GREB1L: variants seen among roughly 807,000 people sequenced by gnomAD.
GREB1L encodes GREB1-like protein.
GREB1L carries 17 observed loss-of-function variants against 200.8 expected under a neutral mutation model. The observed-to-expected ratio is 0.08, with a 90% confidence interval of 0.06 to 0.13. The LOEUF is 0.13. Among genes scored for constraint, GREB1L ranks in the 10% least tolerant of loss-of-function variants. The probability of loss-of-function intolerance (pLI) is 1.00; values close to 1 mark genes in which losing one functional copy is unlikely to be tolerated. For synonymous variants in GREB1L, 789 were observed against 893.0 expected (o/e 0.88, Z 2.08); for missense variants, 1,657 against 2,367.7 (o/e 0.70, Z 6.23).
intron 1 of GREB1L, among the ~76,000 whole-genome samples, chr18:21,276,988 G>A (rs561248592): frequency 1.4e-5 from 2 of 146,184 alleles, no homozygotes; most frequent in African/African-American, 5.1e-5. Flanking sequence ...GAGTGCAGTG[G>A]TGCGATCTTG....
At chr18:21,272,353 A>G (rs904277978) in intron 1 of GREB1L, among the ~76,000 whole-genome samples, 3 of 152,198 alleles carry the variant, frequency 2.0e-5, no homozygotes, top group Non-Finnish European at 2.9e-5. Context: ...GAGCTAGGAA[A>G]TGTTCGACCT....
intron 23 of GREB1L, among the ~76,000 whole-genome samples, chr18:21,503,547 C>T (rs1246295528): frequency 6.6e-6 from 1 of 150,478 alleles, no homozygotes; most frequent in Non-Finnish European, 1.5e-5. Flanking sequence ...TGCGTGCCTG[C>T]AACTGTCTTG....
intron 17 of GREB1L, among the ~76,000 whole-genome samples, chr18:21,479,182 A>G (rs2035822681): frequency 6.6e-6 from 1 of 152,030 alleles, no homozygotes. Flanking sequence ...ATGCCCAGCC[A>G]AGACTAATTA....
intron 1 of GREB1L, among the ~76,000 whole-genome samples, chr18:21,340,931 G>A (rs2039261148): frequency 6.6e-6 from 1 of 152,202 alleles, no homozygotes; most frequent in South Asian, 2.1e-4. Context: ...ATATAAGGAG[G>A]AGTGTTAACA....
intron 7 of GREB1L, among the ~76,000 whole-genome samples, chr18:21,413,365 G>A (rs184699251): frequency 3.7e-4 from 57 of 152,200 alleles, no homozygotes; most frequent in African/African-American, 1.2e-3. Context: ...GTCTCCTTCC[G>A]CTTTGTGTCC....
chr18:21,349,653 G>C (rs184261192), intron 1 of GREB1L, among the ~76,000 whole-genome samples: 319 of 152,112 alleles, frequency 2.1e-3, no homozygotes, highest in Non-Finnish European at 3.5e-3. Flanking sequence ...ATCATGAACT[G>C]TGTGTGTGAG....
chr18:21,496,386 C>T (rs2036545159), intron 20 of GREB1L, 68 bp from the exon 21 acceptor site: 2 of 1,502,220 alleles, frequency 1.3e-6, no homozygotes, highest in Non-Finnish European at 1.8e-6. Flanking sequence ...ATCCAGATCA[C>T]CAGGCACACA....
intron 7 of GREB1L, among the ~76,000 whole-genome samples, chr18:21,419,018 C>T (rs1454607317): frequency 6.6e-6 from 1 of 152,116 alleles, no homozygotes; most frequent in Non-Finnish European, 1.5e-5. Flanking sequence ...TGTTTAGATA[C>T]ACAAATACCA....
At chr18:21,498,527 G>A (rs1487658371) in intron 21 of GREB1L, among the ~76,000 whole-genome samples, 1 of 152,188 alleles carries the variant, frequency 6.6e-6, no homozygotes. Flanking sequence ...ATGAGGAGGA[G>A]GAGCACAGCC....
At chr18:21,259,824 A>T (rs995467719) in intron 1 of GREB1L, among the ~76,000 whole-genome samples, 1 of 151,992 alleles carries the variant, frequency 6.6e-6, no homozygotes, top group Admixed American at 6.6e-5. Context: ...CACTTCATGG[A>T]TATTAAGGTA....
chr18:21,389,351 T>TTTTTA (rs10686798), intron 4 of GREB1L, among the ~76,000 whole-genome samples: 1 of 145,558 alleles, frequency 6.9e-6, no homozygotes, highest in Non-Finnish European at 1.5e-5. Context: ...TTTTTTTTTT[T>TTTTTA]CATCAAATAG....
At chr18:21,389,333 G>GTTTT (rs78492131) in intron 4 of GREB1L, among the ~76,000 whole-genome samples, 1,762 of 95,584 alleles carry the variant, frequency 0.018, 41 homozygotes, top group Middle Eastern at 0.031. Flanking sequence ...TATGGGGTGG[G>GTTTT]TTTTTTTTTT....
In GREB1L at chr18:21,516,728, G is replaced by C; in HGVS notation, c.5245G>C (p.Asp1749His). Residue 1749 changes from aspartate to histidine, a missense_variant, in exon 30 of 33, where the codon GAC becomes CAC. By Grantham distance (81) the Asp-to-His change is moderately conservative. Transcript: ENST00000424526. ...KKHVQVGGQR[D>H]FIIKPKIMVS... Reference sequence around the variant, plus strand: ...ACATGTTCAGGTTGGAGGGCAAAGGGACTTTATCATTAAACCAAAGATCAT... The same window carrying C: ...ACATGTTCAGGTTGGAGGGCAAAGGCACTTTATCATTAAACCAAAGATCAT... The C allele has an allele frequency of 6.4e-7, 1 of 1,551,550 alleles. No individual in the cohort carries two copies. Among genetic ancestry groups the C allele is most frequent in the Non-Finnish European group, 8.7e-7 (1 of 1,146,908 alleles).
intron 12 of GREB1L, chr18:21,450,800 C>T (rs1472068653): frequency 4.6e-6 from 2 of 430,588 alleles, no homozygotes; most frequent in Non-Finnish European, 8.3e-6. Context: ...TCATTTTGTT[C>T]CCCTGATCAT....
chr18:21,455,426 A>G (rs1036143103), intron 15 of GREB1L, among the ~76,000 whole-genome samples: 16 of 152,098 alleles, frequency 1.1e-4, no homozygotes, highest in African/African-American at 3.6e-4. Flanking sequence ...TCGCACCTGT[A>G]ATCCCAGCAC....
intron 4 of GREB1L, among the ~76,000 whole-genome samples, chr18:21,391,726 T>A (rs543277014): frequency 6.6e-6 from 1 of 152,238 alleles, no homozygotes; most frequent in African/African-American, 2.4e-5. Context: ...ATTCAGAGAT[T>A]TAAAAATTAA....
chr18:21,255,211 CCTAT>C, intron 1 of GREB1L, among the ~76,000 whole-genome samples: 1 of 152,296 alleles, frequency 6.6e-6, no homozygotes, highest in Admixed American at 6.5e-5. Context: ...GTCTTTCCTG[CCTAT>C]CTATCCTGCT....
intron 1 of GREB1L, among the ~76,000 whole-genome samples, chr18:21,298,085 C>T (rs969010071): frequency 8.5e-5 from 13 of 152,048 alleles, no homozygotes; most frequent in East Asian, 3.9e-4. Context: ...GGACAGCCCT[C>T]AAAAGGGAAC....
intron 1 of GREB1L, among the ~76,000 whole-genome samples, chr18:21,329,436 T>C (rs772179883): frequency 4.6e-5 from 7 of 152,150 alleles, no homozygotes; most frequent in Non-Finnish European, 8.8e-5. Flanking sequence ...TTGAGTTTTT[T>C]TGTGAGCACT....
Sources: allele counts gnomAD v4.1 joint callset (sites outside exome capture counted in the v4.1 genomes callset), GRCh38; gene constraint gnomAD v4.1.1; transcripts MANE v1.5; gene names NCBI Gene and HGNC (gene_info 2026-07-23, HGNC 2026-07-21).